The following ACYP2 variants were observed in gnomAD, a reference collection of about 807,000 sequenced individuals.
ACYP2 encodes acylphosphatase-2.
ACYP2 carries 12 observed loss-of-function variants against 11.2 expected under a neutral mutation model. That is an observed-to-expected ratio of 1.08 (90% CI 0.69 to 1.74). The LOEUF is 1.74. Among genes scored for constraint, ACYP2 ranks in the 40% most tolerant of loss-of-function variants. ACYP2 has a pLI of 0.00. For missense variants in ACYP2, 134 were observed against 101.9 expected (o/e 1.31, Z -1.35); for synonymous variants, 43 against 32.2 (o/e 1.33, Z -1.13).
At chr2:54,095,588 C>A (rs1279540343) in intron 4 of ACYP2, among the ~76,000 whole-genome samples, 1 of 147,116 alleles carries the variant, frequency 6.8e-6, no homozygotes, top group Non-Finnish European at 1.5e-5. Context: ...CCCTCCCGGA[C>A]GGGGCGGCTG....
chr2:54,187,690 G>C lies in ACYP2; in HGVS notation c.404+48942G>C, dbSNP rs549187297. On this transcript the variant is annotated intron_variant, in intron 6 of 6. Coordinates refer to ENST00000607452, the MANE Select transcript of ACYP2 (RefSeq NM_001320586.2). ...AGCACTGGGCACAAGGGGCTTCTCA[G>C]TAGAGGCTGGTGAGGATCCAGGGAG... is the stretch of plus-strand genomic sequence containing the variant. Among the ~76,000 whole-genome samples, 74 of 152,324 alleles carry C rather than the reference G, an allele frequency of 4.9e-4. 2 individuals carry two copies. The highest frequency in any genetic ancestry group is 1.7e-3 in the African/African-American group (70 of 41,582).
intron 6 of ACYP2, among the ~76,000 whole-genome samples, chr2:54,195,794 G>GTTTTTGTTTTTTTT (rs1442057879): frequency 7.2e-5 from 6 of 83,134 alleles, no homozygotes; most frequent in Admixed American, 1.3e-4. Flanking sequence ...TTTGTTGTGG[G>GTTTTTGTTTTTTTT]TTTTTTTTTT....
chr2:54,276,206 C>T (rs559321085), intron 6 of ACYP2, among the ~76,000 whole-genome samples: 1 of 151,442 alleles, frequency 6.6e-6, no homozygotes, highest in South Asian at 2.1e-4. Flanking sequence ...AGTAAAAGTC[C>T]TTAGCAAGCT....
At chr2:54,101,933 A>T (rs1195256789) in intron 4 of ACYP2, among the ~76,000 whole-genome samples, 2 of 152,202 alleles carry the variant, frequency 1.3e-5, no homozygotes, top group Non-Finnish European at 2.9e-5. Flanking sequence ...TTGACACTTT[A>T]TTAACTAAAG....
chr2:54,093,772 C>G (rs537483762), intron 4 of ACYP2, among the ~76,000 whole-genome samples: 11 of 152,106 alleles, frequency 7.2e-5, no homozygotes, highest in Non-Finnish European at 1.0e-4. Flanking sequence ...AAACCCGTCT[C>G]TACTAAAAAT....
At chr2:54,121,514 A>G (rs1025612992) in intron 4 of ACYP2, among the ~76,000 whole-genome samples, 6 of 152,220 alleles carry the variant, frequency 3.9e-5, no homozygotes, top group African/African-American at 1.4e-4. Flanking sequence ...TATTTCTTAA[A>G]TATTGCTTAA....
chr2:54,031,811 T>C (rs913760921), intron 2 of ACYP2, among the ~76,000 whole-genome samples: 1 of 152,170 alleles, frequency 6.6e-6, no homozygotes, highest in African/African-American at 2.4e-5. Context: ...TTTTAATGAT[T>C]GCCATTCCAA....
intron 2 of ACYP2, among the ~76,000 whole-genome samples, chr2:54,047,788 T>C (rs1675604680): frequency 6.6e-6 from 1 of 152,220 alleles, no homozygotes; most frequent in South Asian, 2.1e-4. Flanking sequence ...TTTAAAAAGG[T>C]TGTAATACAT....
At chr2:54,012,334 C>T (rs920218521) in intron 2 of ACYP2, among the ~76,000 whole-genome samples, 4 of 151,604 alleles carry the variant, frequency 2.6e-5, no homozygotes, top group African/African-American at 9.7e-5. Context: ...AGCAAGACCT[C>T]GCTCCTATCT....
rs550985213 is a variant in ACYP2, at chr2:54,174,823, A to G, written c.404+36075A>G. On this transcript the variant is annotated intron_variant, in intron 6 of 6. Coordinates refer to ENST00000607452, the MANE Select transcript of ACYP2 (RefSeq NM_001320586.2). ...TTTGGTTCTGTTTATGTGATGGATT[A>G]CATTTATTGATTTGTGTATGTTGAA... Among the ~76,000 whole-genome samples the G allele has an allele frequency of 2.0e-5, 3 of 152,314 alleles. No individual in the cohort carries two copies. In the East Asian group the frequency reaches 5.8e-4, roughly 29 times the overall value.
intron 2 of ACYP2, among the ~76,000 whole-genome samples, chr2:53,999,059 A>C (rs935562313): frequency 6.6e-6 from 1 of 152,170 alleles, no homozygotes; most frequent in Non-Finnish European, 1.5e-5. Context: ...AAGGGTAGGC[A>C]ACTGTAAAGG....
chr2:54,002,493 A>G (rs1402018041), intron 2 of ACYP2, among the ~76,000 whole-genome samples: 1 of 150,662 alleles, frequency 6.6e-6, no homozygotes, highest in Middle Eastern at 3.2e-3. Context: ...TTATAAGTGC[A>G]CACCACCATG....
At chr2:54,246,742 A>C (rs2103997471) in intron 6 of ACYP2, among the ~76,000 whole-genome samples, 1 of 152,276 alleles carries the variant, frequency 6.6e-6, no homozygotes, top group African/African-American at 2.4e-5. Flanking sequence ...ATGTTAAGTA[A>C]TGGTGGTGAC....
intron 4 of ACYP2, among the ~76,000 whole-genome samples, chr2:54,125,751 A>AAAAAAC (rs60940027): frequency 0.24 from 36,546 of 151,256 alleles, 5,175 homozygotes; most frequent in African/African-American, 0.4. Context: ...ACTATGTCTC[A>AAAAAAC]AAAAACAAAA....
intron 6 of ACYP2, among the ~76,000 whole-genome samples, chr2:54,171,575 G>A (rs1683223243): frequency 6.6e-6 from 1 of 152,092 alleles, no homozygotes; most frequent in Admixed American, 6.5e-5. Context: ...CAACTCTGTT[G>A]TTTTCTTTGC....
intron 2 of ACYP2, among the ~76,000 whole-genome samples, chr2:53,997,780 A>G (rs1306080820): frequency 6.6e-6 from 1 of 152,216 alleles, no homozygotes; most frequent in Non-Finnish European, 1.5e-5. Context: ...ATTGCAAAAA[A>G]TAAAATAAAA....
intron 6 of ACYP2, among the ~76,000 whole-genome samples, chr2:54,214,200 C>T (rs1172190543): frequency 2.0e-5 from 3 of 152,148 alleles, no homozygotes; most frequent in Admixed American, 6.5e-5. Flanking sequence ...TGTCTGTTTA[C>T]TCTGCTGATA....
chr2:54,271,663 C>T (rs1026440907), intron 6 of ACYP2, among the ~76,000 whole-genome samples: 6 of 151,968 alleles, frequency 3.9e-5, no homozygotes, highest in Non-Finnish European at 7.4e-5. Context: ...TGCTTGGCAG[C>T]CTTGCATTAA....
At chr2:53,979,481 G>A (rs746896095) in intron 2 of ACYP2, among the ~76,000 whole-genome samples, 1 of 151,622 alleles carries the variant, frequency 6.6e-6, no homozygotes, top group Non-Finnish European at 1.5e-5. Context: ...AAAAAAATTA[G>A]CCAGGCATGG....
Sources: gnomAD v4.1 joint callset for allele counts (sites outside exome capture counted in the v4.1 genomes callset) on GRCh38, gnomAD v4.1.1 for gene constraint, MANE v1.5 for transcripts, NCBI Gene and HGNC (gene_info 2026-07-23, HGNC 2026-07-21) for gene names.